Variants in MRI1 observed in about 807,000 individuals in gnomAD.
MRI1 encodes methylthioribose-1-phosphate isomerase 1, also known as methylthioribose-1-phosphate isomerase.
A neutral mutation model predicts 27.3 loss-of-function variants in MRI1; 32 were observed. The ratio of observed to expected loss-of-function variants is 1.17; its 90% CI spans 0.88 to 1.57. The LOEUF is 1.57. MRI1 is among the 40% of genes most tolerant of loss of function. The pLI, the probability that MRI1 is intolerant of heterozygous loss-of-function variation, is 0.00. For synonymous variants in MRI1, 216 were observed against 227.4 expected (o/e 0.95, Z 0.45); for missense variants, 508 against 516.1 (o/e 0.98, Z 0.15).
intron 5 of MRI1, among the ~76,000 whole-genome samples, chr19:13,770,405 C>T (rs1421490935): frequency 4.0e-5 from 6 of 151,020 alleles, no homozygotes; most frequent in African/African-American, 7.3e-5. Context: ...GCCAACAGAG[C>T]GAAACCACGT....
At chr19:13,769,489 C>T (rs935501127) in intron 5 of MRI1, among the ~76,000 whole-genome samples, 2 of 152,130 alleles carry the variant, frequency 1.3e-5, no homozygotes, top group Admixed American at 1.3e-4. Context: ...CTAACAGGTG[C>T]ATCCTGGAGG....
intron 3 of MRI1, among the ~76,000 whole-genome samples, chr19:13,767,027 ATATATATATATTTTTTTT>A (rs1409619295): frequency 3.4e-4 from 6 of 17,552 alleles, no homozygotes; most frequent in African/African-American, 1.3e-3. Context: ...ATATATATAT[ATATATATATATTTTTTTT>A]TTTTTTTTTT....
rs997214680 is a variant in MRI1, at chr19:13,769,114, C to T, written c.949+66C>T. ...GCACTTCATGGAGGCAGGTGATATG[C>T]AGGTCCTTGTCATCCTTCTGGAACA... On this transcript the variant is annotated intron_variant, in intron 5 of 5. Transcript: ENST00000040663. 5 of 1,332,638 alleles carry T rather than the reference C, an allele frequency of 3.8e-6. No individual in the cohort carries two copies. In the African/African-American group the frequency reaches 7.3e-5, roughly 19 times the overall value. The allele number at this position is 1,332,638 out of a possible 1,614,324, so 82.6% of individuals were successfully genotyped here.
In MRI1 at chr19:13,768,447, G is replaced by A. The variant is rs142646684; in HGVS notation, c.548-114G>A. 1,890 of 1,563,050 alleles carry A rather than the reference G, an allele frequency of 1.2e-3. 5 individuals are homozygous for A. The highest frequency in any genetic ancestry group is 2.0e-3 in the Middle Eastern group (12 of 6,006). ...AGGGCCCCTGGGCGGGACTGTGCTCGGTAAGCCTTTGGCAATCCACGCCCA... is the reference window on the plus strand; with the variant it reads ...AGGGCCCCTGGGCGGGACTGTGCTCAGTAAGCCTTTGGCAATCCACGCCCA... On this transcript the variant is annotated intron_variant, in intron 3 of 5. Coordinates refer to ENST00000040663, the MANE Select transcript of MRI1 (RefSeq NM_001031727.4).
intron 3 of MRI1, among the ~76,000 whole-genome samples, chr19:13,768,158 A>G (rs1429031830): frequency 1.3e-5 from 2 of 151,802 alleles, no homozygotes; most frequent in East Asian, 1.9e-4. Flanking sequence ...GTGAGCCACC[A>G]CGCCCAGCCC....
chr19:13,774,235 T>C lies in MRI1; in HGVS notation c.*1954T>C. On this transcript the variant is annotated 3_prime_UTR_variant, in exon 6 of 6. Transcript: ENST00000040663. Reference sequence around the variant, plus strand: ...TGTAAAGATCATAAAACGTTGTAAGTTTTCTAAAACACATAAGCTCTCAAT... The same window carrying C: ...TGTAAAGATCATAAAACGTTGTAAGCTTTCTAAAACACATAAGCTCTCAAT... 2.1e-6 allele frequency: 1 copy of C among 471,354 alleles called. No individual in the cohort carries two copies. The highest frequency in any genetic ancestry group is 3.8e-6 in the Non-Finnish European group (1 of 263,914). The allele number at this position is 471,354 out of a possible 1,614,324, so 29.2% of individuals were successfully genotyped here.
intron 3 of MRI1, among the ~76,000 whole-genome samples, chr19:13,767,008 C>CAT (rs1250741648): frequency 2.0e-3 from 100 of 49,592 alleles, no homozygotes; most frequent in African/African-American, 4.6e-3. Flanking sequence ...TGCACATCCA[C>CAT]ATATATATAT....
At chr19:13,768,312 A>C (rs1974185543) in intron 3 of MRI1, 2 of 940,588 alleles carry the variant, frequency 2.1e-6, no homozygotes, top group Non-Finnish European at 3.4e-6. Flanking sequence ...GCTATGCAAA[A>C]CTGATATATC....
At chr19:13,769,728 T>C (rs1974230535) in intron 5 of MRI1, among the ~76,000 whole-genome samples, 1 of 151,648 alleles carries the variant, frequency 6.6e-6, no homozygotes, top group East Asian at 2.0e-4. Context: ...GAGACCAGCC[T>C]GGTCAACATA....
intron 4 of MRI1, 21 bp downstream of exon 4, chr19:13,768,758 G>T: frequency 6.2e-7 from 1 of 1,604,214 alleles, no homozygotes; most frequent in Non-Finnish European, 8.5e-7. Context: ...GGTAAGCCCT[G>T]GGGGCGGGGC....
At chr19:13,767,277 CCTTAGGCGGTCCG>C (rs1974158396) in intron 3 of MRI1, among the ~76,000 whole-genome samples, 1 of 151,696 alleles carries the variant, frequency 6.6e-6, no homozygotes. Flanking sequence ...GAACTTCTGA[CCTTAGGCGGTCCG>C]CCAGCCTCGG....
At position 13,765,109 on chromosome 19, in the gene MRI1, G is replaced by C. The variant is rs368380667; in HGVS notation, c.371G>C (p.Arg124Thr). ...GCTACGGAAGAGGCGGTCCGGGAGA[G>C]GTACGGGGATCTGGTACCAGGCACG... ...EGATEEAVRE[R>T]VICCTEDMLE... is the part of the protein sequence containing the mutation. Residue 124 changes from arginine (R) to threonine (T), a missense_variant and splice_region_variant, in exon 2 of 6, where the codon AGA (arginine) becomes ACA (threonine). This residue lies in a region of MRI1 where 457 missense variants were observed against 452.8 expected (regional missense o/e 1.01). Transcript: ENST00000040663. The C allele has an allele frequency of 2.1e-4, 319 of 1,524,956 alleles. 3 individuals are homozygous for C. The South Asian group carries it at 3.6e-3, about 17-fold the overall frequency. The allele number at this position is 1,524,956 out of a possible 1,614,324, so 94.5% of individuals were successfully genotyped here. A position where few individuals can be genotyped will look rare whatever the true frequency, so the allele number is the denominator to read the frequency against.
In MRI1 at chr19:13,764,563, G is replaced by A; in HGVS notation, c.-26G>A. 6.2e-7 allele frequency: 1 copy of A among 1,602,514 alleles called. No homozygotes were observed. Among genetic ancestry groups the A allele is most frequent in the African/African-American group, 1.3e-5 (1 of 74,774 alleles). ...CGCGCGGACCCCTAGCTCCCTCTGA[G>A]TTGCGCTGGGCTTGGCTGCTGCACC... is the stretch of plus-strand genomic sequence containing the variant. On this transcript the variant is annotated 5_prime_UTR_variant, in exon 1 of 6. Transcript: ENST00000040663.
rs1166782286 is a variant in MRI1, at chr19:13,765,075, C to A, written c.337C>A (p.Arg113=). The A allele has an allele frequency of 4.6e-6, 7 of 1,529,830 alleles. No individual in the cohort carries two copies. Among genetic ancestry groups the A allele is most frequent in the Non-Finnish European group, 6.1e-6 (7 of 1,144,000 alleles). 94.8% of individuals were successfully genotyped at this position (1,529,830 alleles called of 1,614,324 possible). A position where few individuals can be genotyped will look rare whatever the true frequency, so the allele number is the denominator to read the frequency against. Residue 113 remains arginine (R), a synonymous_variant, in exon 2 of 6, where the codon CGG becomes AGG. Transcript: ENST00000040663. ...TGATGTTGCAGCCCGGGAGGCCGAACGGGAGGGCGCTACGGAAGAGGCGGT... is the reference window on the plus strand; with the variant it reads ...TGATGTTGCAGCCCGGGAGGCCGAAAGGGAGGGCGCTACGGAAGAGGCGGT... ...LADVAAREAE[R]EGATEEAVRE...
intron 5 of MRI1, among the ~76,000 whole-genome samples, chr19:13,771,232 T>C (rs1037308735): frequency 6.8e-6 from 1 of 147,730 alleles, no homozygotes; most frequent in African/African-American, 2.5e-5. Flanking sequence ...CTGGGCGAGG[T>C]GGCAGGCGCC....
rs954693263 is a variant in MRI1 at position 13,766,254 on chromosome 19, G to C, written c.547+125G>C. The C allele has an allele frequency of 1.7e-5, 15 of 871,524 alleles. No individual in the cohort carries two copies. The East Asian group carries it at 4.2e-4, about 25-fold the overall frequency. 54.0% of individuals were successfully genotyped at this position (871,524 alleles called of 1,614,324 possible). A position where few individuals can be genotyped will look rare whatever the true frequency, so the allele number is the denominator to read the frequency against. ...AATGGGAAGGTACTAGTTCTAGTAC[G>C]GAAACACTTATACAGTTGGCTTCAG... On this transcript the variant is annotated intron_variant, in intron 3 of 5. Coordinates refer to ENST00000040663, the MANE Select transcript of MRI1 (RefSeq NM_001031727.4).
intron 3 of MRI1, chr19:13,768,300 T>C (rs376290350): frequency 2.6e-5 from 22 of 837,774 alleles, no homozygotes; most frequent in African/African-American, 8.4e-5. Context: ...AGTGTGGGGA[T>C]TGCTATGCAA....
rs1974286357 is a variant in MRI1 at position 13,772,326 on chromosome 19, A to G, written c.*45A>G. 2 of 1,568,450 alleles carry G rather than the reference A, an allele frequency of 1.3e-6. No homozygotes were observed. The highest frequency in any genetic ancestry group is 2.3e-5 in the South Asian group (2 of 86,936). The stretch of plus-strand genomic sequence containing the variant: ...CCTGCCTCTCTAGGTTTTTCAATAC[A>G]TTTCTTGAATGGCTACCCAAAAGCT... On this transcript the variant is annotated 3_prime_UTR_variant, in exon 6 of 6. Coordinates refer to ENST00000040663, the MANE Select transcript of MRI1 (RefSeq NM_001031727.4).
In MRI1 at chr19:13,774,222, A is replaced by G; in HGVS notation, c.*1941A>G. On this transcript the variant is annotated 3_prime_UTR_variant, in exon 6 of 6. Coordinates refer to ENST00000040663, the MANE Select transcript of MRI1 (RefSeq NM_001031727.4). ...CTGAGTTTTTATGTGTAAAGATCATAAAACGTTGTAAGTTTTCTAAAACAC... is the reference window on the plus strand; with the variant it reads ...CTGAGTTTTTATGTGTAAAGATCATGAAACGTTGTAAGTTTTCTAAAACAC... The G allele has an allele frequency of 8.9e-6, 4 of 451,742 alleles. No individual in the cohort carries two copies. In the South Asian group the frequency reaches 1.7e-4, roughly 19 times the overall value. 28.0% of individuals were successfully genotyped at this position (451,742 alleles called of 1,614,324 possible).
Sources: allele counts gnomAD v4.1 joint callset (sites outside exome capture counted in the v4.1 genomes callset), GRCh38; gene constraint gnomAD v4.1.1; regional missense constraint gnomAD v4.1.1; transcripts MANE v1.5; gene names NCBI Gene and HGNC (gene_info 2026-07-23, HGNC 2026-07-21).